Variants in TENM2 observed in about 807,000 individuals in gnomAD.
The protein encoded by TENM2 is teneurin-2.
A neutral mutation model predicts 245.2 loss-of-function variants in TENM2; 52 were observed. The ratio of observed to expected loss-of-function variants is 0.21; its 90% CI spans 0.17 to 0.27. The LOEUF (loss-of-function observed/expected upper bound fraction) is 0.27. TENM2 is among the 10% of genes least tolerant of loss of function. TENM2 has a pLI of 1.00. For missense variants in TENM2, 3,046 were observed against 3,666.8 expected, an observed-to-expected ratio of 0.83 and a Z score of 4.37; for synonymous variants, 1,363 against 1,438.9, an observed-to-expected ratio of 0.95 and a Z score of 1.19.
At chr5:167,450,529 G>A (rs1765512940) in intron 2 of TENM2, among the ~76,000 whole-genome samples, 1 of 151,992 alleles carries the variant, frequency 6.6e-6, no homozygotes, top group Non-Finnish European at 1.5e-5. Context: ...AATTCATGGT[G>A]GGTATATATA....
At chr5:167,712,246 A>G (rs1043162796) in intron 2 of TENM2, among the ~76,000 whole-genome samples, 6 of 152,232 alleles carry the variant, frequency 3.9e-5, no homozygotes, top group Non-Finnish European at 8.8e-5. Flanking sequence ...GAATATCTCT[A>G]CAAATGAGGT....
At chr5:167,641,328 G>A (rs1416482460) in intron 2 of TENM2, among the ~76,000 whole-genome samples, 3 of 151,992 alleles carry the variant, frequency 2.0e-5, no homozygotes, top group Admixed American at 6.6e-5. Flanking sequence ...ATAATGAGAT[G>A]GGAGACCAAT....
chr5:167,074,055 T>C, the TENM2 span, among the ~76,000 whole-genome samples: 2 of 152,202 alleles, frequency 1.3e-5, no homozygotes, highest in Non-Finnish European at 2.9e-5. Flanking sequence ...TCTGCCAAGA[T>C]GGCTCATTTT....
the TENM2 span, among the ~76,000 whole-genome samples, chr5:167,069,105 T>C: frequency 6.6e-6 from 1 of 152,210 alleles, no homozygotes; most frequent in Admixed American, 6.5e-5. Context: ...TAATCTCCCA[T>C]TCCTCACATT....
At chr5:168,162,876 ATTTTC>A in intron 13 of TENM2, 119 bp downstream of exon 15, 1 of 1,271,842 alleles carries the variant, frequency 7.9e-7, no homozygotes, top group Non-Finnish European at 1.1e-6. Flanking sequence ...TTGTTGTAAC[ATTTTC>A]TTTGAAGCAA....
At chr5:167,437,541 C>A (rs1764634412) in intron 2 of TENM2, among the ~76,000 whole-genome samples, 1 of 152,088 alleles carries the variant, frequency 6.6e-6, no homozygotes, top group Non-Finnish European at 1.5e-5. Context: ...GTTGGGAAGA[C>A]ATGATTGGTT....
chr5:168,255,923 G>A (rs1027514854), intron 27 of TENM2, among the ~76,000 whole-genome samples: 4 of 150,886 alleles, frequency 2.7e-5, no homozygotes, highest in South Asian at 4.2e-4. Context: ...TTCCTGCCTC[G>A]GCCTCCTGAG....
At chr5:167,200,276 G>T in the TENM2 span, among the ~76,000 whole-genome samples, 1 of 151,956 alleles carries the variant, frequency 6.6e-6, no homozygotes, top group Admixed American at 6.6e-5. Flanking sequence ...TTCCCTCCAA[G>T]GGCCCTCTTC....
chr5:167,273,718 A>G, the TENM2 span, among the ~76,000 whole-genome samples: 1 of 152,176 alleles, frequency 6.6e-6, no homozygotes, highest in Non-Finnish European at 1.5e-5. Flanking sequence ...ATGTTGTCCA[A>G]GCAGAGGGTT....
intron 3 of TENM2, among the ~76,000 whole-genome samples, chr5:167,877,091 A>G (rs998229548): frequency 2.6e-5 from 4 of 151,988 alleles, no homozygotes; most frequent in Admixed American, 2.0e-4. Context: ...AAAATTAATT[A>G]CTCCTGACCT....
intron 13 of TENM2, chr5:168,185,972 T>TTA (rs1213986912): frequency 0.069 from 393 of 5,712 alleles, 2 homozygotes; most frequent in Non-Finnish European, 0.095. Flanking sequence ...ATATTTGAAT[T>TTA]TATATATATA....
At chr5:168,152,342 A>C (rs1756722696) in intron 12 of TENM2, among the ~76,000 whole-genome samples, 2 of 152,134 alleles carry the variant, frequency 1.3e-5, no homozygotes, top group East Asian at 3.9e-4. Context: ...ATTTCCTTAC[A>C]TTTCCTGAAG....
At chr5:168,068,201 G>A (rs1173357002) in intron 7 of TENM2, among the ~76,000 whole-genome samples, 3 of 152,130 alleles carry the variant, frequency 2.0e-5, no homozygotes, top group Admixed American at 1.3e-4. Context: ...AAGAGAACCG[G>A]TGTGAAGGGT....
chr5:168,237,242 T>A (rs1448467449), intron 25 of TENM2, among the ~76,000 whole-genome samples: 2 of 150,824 alleles, frequency 1.3e-5, no homozygotes, highest in South Asian at 4.2e-4. Flanking sequence ...GGTCTTGAAC[T>A]CCTAACCTCA....
At chr5:167,239,191 C>T in the TENM2 span, among the ~76,000 whole-genome samples, 2 of 152,128 alleles carry the variant, frequency 1.3e-5, no homozygotes, top group Admixed American at 1.3e-4. Context: ...GTTATAATGT[C>T]GAATGTCATG....
chr5:167,729,912 C>T (rs1204303185), intron 2 of TENM2, among the ~76,000 whole-genome samples: 1 of 152,226 alleles, frequency 6.6e-6, no homozygotes, highest in African/African-American at 2.4e-5. Context: ...TAATTACTTT[C>T]TCCTGAGATG....
At position 167,312,297 on chromosome 5, in the gene TENM2, C is replaced by G. The variant is rs1756081148; in HGVS notation, c.226+27234C>G. 2.0e-5 allele frequency among the ~76,000 whole-genome samples: 3 copies of G among 152,082 alleles called. No individual in the cohort carries two copies. The South Asian group carries it at 6.2e-4, about 32-fold the overall frequency. Reference sequence around the variant, plus strand: ...TTGTGCATACCATCACATGATTTGACAGATGTGATGTGTTTTAATCAGGTG... The same window carrying G: ...TTGTGCATACCATCACATGATTTGAGAGATGTGATGTGTTTTAATCAGGTG... On this transcript the variant is annotated intron_variant, in intron 1 of 28. Transcript: ENST00000518659.
chr5:167,790,010 C>T (rs1764839019), intron 2 of TENM2, among the ~76,000 whole-genome samples: 1 of 152,206 alleles, frequency 6.6e-6, no homozygotes, highest in Non-Finnish European at 1.5e-5. Flanking sequence ...AAAGAAATGA[C>T]ATCAAGACAG....
chr5:167,495,467 A>G (rs1454661278), intron 2 of TENM2, among the ~76,000 whole-genome samples: 1 of 152,094 alleles, frequency 6.6e-6, no homozygotes, highest in Non-Finnish European at 1.5e-5. Context: ...CAGCCCAGCC[A>G]TGAATAATTA....
Sources: gnomAD v4.1 joint callset for allele counts (sites outside exome capture counted in the v4.1 genomes callset) on GRCh38, gnomAD v4.1.1 for gene constraint, MANE v1.5 for transcripts, NCBI Gene and HGNC (gene_info 2026-07-23, HGNC 2026-07-21) for gene names.